Variants in PTPRA observed in about 807,000 individuals in gnomAD.
PTPRA encodes the protein protein tyrosine phosphatase receptor type A, also known as receptor-type tyrosine-protein phosphatase alpha.
In PTPRA, 25 loss-of-function variants were observed where a neutral mutation model predicts 104.8. The observed-to-expected ratio is 0.24, with a 90% CI of 0.17 to 0.33. The LOEUF is 0.33. Among genes scored for constraint, PTPRA ranks in the 10% least tolerant of loss-of-function variants. The pLI is 1.00. For missense variants in PTPRA, 765 were observed against 1,015.3 expected, an observed-to-expected ratio of 0.75 and a Z score of 3.35; for synonymous variants, 323 against 368.9, an observed-to-expected ratio of 0.88 and a Z score of 1.43.
chr20:3,022,009 C>T lies in PTPRA; in HGVS notation c.1162-45C>T. The stretch of plus-strand genomic sequence containing the variant: ...ACCTTCCCTCCCCTGGTACTGCCCA[C>T]CCTTGGGTATCAGGGCCAACACACA... On this transcript the variant is annotated intron_variant, in intron 14 of 23. Coordinates refer to ENST00000399903, the MANE Select transcript of PTPRA (RefSeq NM_001385305.1). This position sits in a 1 kb window ranked among gnomAD's most constrained non-coding sequence, Gnocchi z 4.6. 6.2e-7 allele frequency: 1 copy of T among 1,609,504 alleles called. No homozygotes were observed. Among genetic ancestry groups the T allele is most frequent in the Non-Finnish European group, 8.5e-7 (1 of 1,176,738 alleles).
intron 3 of PTPRA, among the ~76,000 whole-genome samples, chr20:2,949,837 C>T (rs961116337): frequency 6.6e-6 from 1 of 151,770 alleles, no homozygotes; most frequent in Non-Finnish European, 1.5e-5. Context: ...TTTTCTACAT[C>T]AGTTGAAATG....
In PTPRA at chr20:2,923,520, T is replaced by C. The variant is rs569471791; in HGVS notation, c.-50+235T>C. Among the ~76,000 whole-genome samples the C allele has an allele frequency of 3.3e-5, 5 of 151,958 alleles. 1 individual carries two copies. Among genetic ancestry groups the C allele is most frequent in the African/African-American group, 1.2e-4 (5 of 41,478 alleles). ...TTAAAAAAAAAGACCAAAGTCAGGC[T>C]GGGCATGGTGGATCACGCCTGTAAT... is the stretch of plus-strand genomic sequence containing the variant. On this transcript the variant is annotated intron_variant, in intron 2 of 23. Transcript: ENST00000399903.
At chr20:2,998,955 TAATA>T (rs1168092870) in intron 9 of PTPRA, among the ~76,000 whole-genome samples, 6 of 135,960 alleles carry the variant, frequency 4.4e-5, no homozygotes, top group East Asian at 4.0e-4. Flanking sequence ...TATTTATAAT[TAATA>T]AATATGACAT....
chr20:2,943,213 A>AC (rs61061739), intron 2 of PTPRA, among the ~76,000 whole-genome samples: 46,141 of 115,778 alleles, frequency 0.4, 8,007 homozygotes, highest in East Asian at 0.5. Context: ...ATATCCCCCC[A>AC]CCCCCCCCCC....
chr20:3,027,055 A>G, intron 18 of PTPRA, 66 bp from the exon 19 acceptor site: 1 of 1,351,996 alleles, frequency 7.4e-7, no homozygotes, highest in Non-Finnish European at 1.0e-6. Context: ...CTGAGGTGGG[A>G]GCAATGCAAG....
intron 1 of PTPRA, among the ~76,000 whole-genome samples, chr20:2,916,508 T>G (rs2059908487): frequency 6.6e-6 from 1 of 152,210 alleles, no homozygotes; most frequent in African/African-American, 2.4e-5. Context: ...TGGCTCATGC[T>G]TATAATCCAA....
chr20:2,999,553 T>A (rs1382465037), intron 9 of PTPRA, among the ~76,000 whole-genome samples: 1 of 152,190 alleles, frequency 6.6e-6, no homozygotes, highest in Non-Finnish European at 1.5e-5. Context: ...AGCAGATCCA[T>A]TTGTAAGTGG....
chr20:2,938,411 C>T (rs1348183703), intron 2 of PTPRA, among the ~76,000 whole-genome samples: 1 of 152,152 alleles, frequency 6.6e-6, no homozygotes, highest in African/African-American at 2.4e-5. Context: ...GTCTCGAACT[C>T]CTGACCTCAG....
intron 1 of PTPRA, among the ~76,000 whole-genome samples, chr20:2,907,694 A>C (rs1194517704): frequency 1.3e-5 from 2 of 152,154 alleles, no homozygotes; most frequent in African/African-American, 4.8e-5. Context: ...CATAGAAGCT[A>C]ATTCTTCAGT....
rs959253012 is a variant in PTPRA at position 2,950,420 on chromosome 20, C to T, written c.-7+2396C>T. Among the ~76,000 whole-genome samples, 1 of 151,642 alleles carries T rather than the reference C, an allele frequency of 6.6e-6. No homozygotes were observed. The highest frequency in any genetic ancestry group is 6.6e-5 in the Admixed American group (1 of 15,202). On this transcript the variant is annotated intron_variant, in intron 3 of 23. Transcript: ENST00000399903. This position sits in a 1 kb window ranked among gnomAD's most constrained non-coding sequence, Gnocchi z 4.0. ...TTGGGAGGCCGAGGCGGGCGGATCA[C>T]GAGGTCAAGAGATCGAGACCATCCT...
At chr20:2,875,036 G>A (rs1010333877) in intron 1 of PTPRA, among the ~76,000 whole-genome samples, 1 of 152,174 alleles carries the variant, frequency 6.6e-6, no homozygotes, top group Non-Finnish European at 1.5e-5. Flanking sequence ...CAGGAGCTGT[G>A]TCTTGCCCAC....
chr20:2,990,400 G>T (rs1301885186), intron 9 of PTPRA, among the ~76,000 whole-genome samples: 1 of 152,116 alleles, frequency 6.6e-6, no homozygotes. Flanking sequence ...GGTTACTGTG[G>T]TTGGCTGAGA....
chr20:2,886,302 G>T (rs1018105263), intron 1 of PTPRA, among the ~76,000 whole-genome samples: 10 of 152,114 alleles, frequency 6.6e-5, no homozygotes, highest in African/African-American at 2.4e-4. Context: ...AGGTACTGAA[G>T]TATTTTGGAT....
At chr20:2,897,318 T>A (rs1490378879) in intron 1 of PTPRA, among the ~76,000 whole-genome samples, 1 of 152,180 alleles carries the variant, frequency 6.6e-6, no homozygotes, top group East Asian at 1.9e-4. Flanking sequence ...TCAGTTATTA[T>A]AGTGGTTGCT....
At chr20:2,865,563 G>T in the PTPRA span, 1 of 1,454,580 alleles carries the variant, frequency 6.9e-7, no homozygotes. This position sits in a 1 kb window ranked among gnomAD's most constrained non-coding sequence, Gnocchi z 5.2. Flanking sequence ...GGCTAGGCAG[G>T]GAGACAGATA....
At chr20:2,975,125 A>G (rs1163490040) in intron 5 of PTPRA, 90 bp from the exon 6 acceptor site, 2 of 1,173,846 alleles carry the variant, frequency 1.7e-6, no homozygotes, top group Non-Finnish European at 2.4e-6. Flanking sequence ...AGCATTCCTA[A>G]TCCTGGAGCT....
intron 3 of PTPRA, among the ~76,000 whole-genome samples, chr20:2,948,776 C>T (rs1203885509): frequency 6.6e-6 from 1 of 151,658 alleles, no homozygotes; most frequent in Non-Finnish European, 1.5e-5. Flanking sequence ...ACAGTGAAAC[C>T]CTGTCTGTAC....
Position 2,923,964 on chromosome 20 carries a change from A to G in PTPRA, c.-50+679A>G, listed in dbSNP as rs2060196001. 2.0e-5 allele frequency among the ~76,000 whole-genome samples: 3 copies of G among 152,352 alleles called. No homozygotes were observed. In the South Asian group the frequency reaches 6.2e-4, roughly 32 times the overall value. ...ATATCTGCAAAACATACACGTATCT[A>G]ATAACCCAGGAATTTCAATTCTAGG... On this transcript the variant is annotated intron_variant, in intron 2 of 23. Transcript: ENST00000399903.
At chr20:2,933,435 T>TTTGG (rs781388996) in intron 2 of PTPRA, among the ~76,000 whole-genome samples, 86 of 151,898 alleles carry the variant, frequency 5.7e-4, no homozygotes, top group Admixed American at 9.2e-4. Context: ...GGTTCTTTCT[T>TTTGG]TTGGTTGGTT....
Sources: allele counts gnomAD v4.1 joint callset (sites outside exome capture counted in the v4.1 genomes callset), GRCh38; gene constraint gnomAD v4.1.1; non-coding constraint Gnocchi (gnomAD v3.1); transcripts MANE v1.5; gene names NCBI Gene and HGNC (gene_info 2026-07-23, HGNC 2026-07-21).